P2RX5: variants seen among roughly 807,000 people sequenced by gnomAD.
The protein encoded by P2RX5 is P2X purinoceptor 5.
A neutral mutation model predicts 54.1 loss-of-function variants in P2RX5; 46 were observed. That is an observed-to-expected ratio of 0.85 (90% CI 0.67 to 1.09). The LOEUF is 1.09. P2RX5 is among the 50% of genes least tolerant of loss of function. The pLI, the probability that P2RX5 is intolerant of heterozygous loss-of-function variation, is 0.00. For synonymous variants in P2RX5, 226 were observed against 226.4 expected (o/e 1.00, Z 0.02); for missense variants, 566 against 549.8 (o/e 1.03, Z -0.29).
At chr17:3,696,268 T>TTCC (rs113006222), upstream of P2RX5, 3,276 of 257,742 alleles carry the variant, frequency 0.013, 41 homozygotes, top group African/African-American at 0.043. Flanking sequence ...CTACCTCTTC[T>TTCC]TCCTCCTCCT....
the P2RX5 span, among the ~76,000 whole-genome samples, chr17:3,701,696 G>GAAAAAAAAAAAAAAAAAAAAAA: frequency 1.4e-5 from 1 of 73,412 alleles, no homozygotes; most frequent in South Asian, 5.1e-4. Context: ...CTCTGTCTCA[G>GAAAAAAAAAAAAAAAAAAAAAA]AAAAAAAAAA....
chr17:3,676,680 G>T, intron 11 of P2RX5: 4 of 658,510 alleles, frequency 6.1e-6, no homozygotes, highest in South Asian at 6.8e-5. Context: ...TTGGAATCTT[G>T]TTGAAACACA....
intron 1 of P2RX5, among the ~76,000 whole-genome samples, chr17:3,694,974 C>T (rs2050716052): frequency 6.6e-6 from 1 of 152,170 alleles, no homozygotes; most frequent in African/African-American, 2.4e-5. Flanking sequence ...CCTACGAGGC[C>T]GCTCAGGTGG....
the P2RX5 span, among the ~76,000 whole-genome samples, chr17:3,715,505 A>T: frequency 6.6e-6 from 1 of 152,160 alleles, no homozygotes; most frequent in Non-Finnish European, 1.5e-5. Flanking sequence ...CTGACAAGAA[A>T]AGCAGCCTAC....
the P2RX5 span, among the ~76,000 whole-genome samples, chr17:3,722,836 A>T: frequency 6.6e-6 from 1 of 152,214 alleles, no homozygotes; most frequent in Non-Finnish European, 1.5e-5. Flanking sequence ...GGCACAATCT[A>T]ATGTCTGCTC....
chr17:3,695,002 G>A (rs2050716662), intron 1 of P2RX5, among the ~76,000 whole-genome samples: 1 of 152,204 alleles, frequency 6.6e-6, no homozygotes, highest in African/African-American at 2.4e-5. Flanking sequence ...CCAGGGGCCT[G>A]GGGATGCAGC....
chr17:3,711,510 G>C, the P2RX5 span, among the ~76,000 whole-genome samples: 1 of 148,086 alleles, frequency 6.8e-6, no homozygotes, highest in Non-Finnish European at 1.5e-5. Flanking sequence ...AGCCTCCAGA[G>C]TAGCTGGGAT....
At chr17:3,718,501 C>G in the P2RX5 span, 1 of 152,264 alleles carries the variant, frequency 6.6e-6, no homozygotes, top group Non-Finnish European at 1.5e-5. Context: ...AGCATATGCC[C>G]TTATGCTGCA....
chr17:3,719,234 T>TAAAAAAAAAAAAAAAAAAAAAAAAAA, the P2RX5 span, among the ~76,000 whole-genome samples: 1 of 34,836 alleles, frequency 2.9e-5, no homozygotes, highest in African/African-American at 1.2e-4. Context: ...AGATTCTTCC[T>TAAAAAAAAAAAAAAAAAAAAAAAAAA]CAAAAAAAAA....
the P2RX5 span, chr17:3,716,712 G>A: frequency 3.3e-5 from 53 of 1,603,862 alleles, no homozygotes; most frequent in African/African-American, 1.2e-4. Flanking sequence ...CCAGAATCAC[G>A]ATCAACACCA....
the P2RX5 span, among the ~76,000 whole-genome samples, chr17:3,704,090 A>G: frequency 1.1e-4 from 15 of 140,954 alleles, 3 homozygotes; most frequent in East Asian, 4.3e-4. Flanking sequence ...CAACAAGAGC[A>G]AAACTCTGCC....
upstream of P2RX5, among the ~76,000 whole-genome samples, chr17:3,699,849 A>G (rs543264848): frequency 2.8e-4 from 32 of 113,508 alleles, no homozygotes; most frequent in African/African-American, 8.5e-4. Flanking sequence ...AGAAAGAAAA[A>G]GAAAAAAGAA....
At chr17:3,716,404 C>T in the P2RX5 span, among the ~76,000 whole-genome samples, 9 of 152,300 alleles carry the variant, frequency 5.9e-5, no homozygotes, top group Non-Finnish European at 1.0e-4. Context: ...CTATTGAACT[C>T]ACAGGTAACC....
At chr17:3,702,658 C>T in the P2RX5 span, among the ~76,000 whole-genome samples, 1 of 152,142 alleles carries the variant, frequency 6.6e-6, no homozygotes, top group African/African-American at 2.4e-5. Flanking sequence ...CTGGACACAT[C>T]TGAACATCAG....
the P2RX5 span, chr17:3,715,059 C>G: frequency 1.6e-6 from 1 of 632,706 alleles, no homozygotes; most frequent in Non-Finnish European, 2.8e-6. Flanking sequence ...CTCATACTTA[C>G]TACTCCCTTC....
chr17:3,683,584 A>C (rs997295898), intron 9 of P2RX5, among the ~76,000 whole-genome samples: 1 of 151,818 alleles, frequency 6.6e-6, no homozygotes, highest in African/African-American at 2.4e-5. Context: ...ACGAAAATTA[A>C]CCGGGCGCGG....
Position 3,690,670 on chromosome 17 carries a change from A to G in P2RX5, c.371T>C (p.Ile124Thr). The change falls in exon 4 of 12, where the codon ATT becomes ACT. Residue 124 changes from isoleucine to threonine, a missense_variant. By Grantham distance (89) the Ile-to-Thr change is moderately conservative. Coordinates refer to ENST00000225328, the MANE Select transcript of P2RX5 (RefSeq NM_002561.4). ...GTCCTTGGAGCACGCGCCATCAGGA[A>G]TGCCTTCATTCTGCCAGGAGAGAAG... ...RQNVCAENEGIPDGACSKDSD... is the reference protein window; with the variant it reads ...RQNVCAENEGTPDGACSKDSD... 1 of 1,613,222 alleles carries G rather than the reference A, an allele frequency of 6.2e-7. No homozygotes were observed. Among genetic ancestry groups the G allele is most frequent in the South Asian group, 1.1e-5 (1 of 91,088 alleles).
the P2RX5 span, chr17:3,716,782 A>G: frequency 2.5e-6 from 4 of 1,596,634 alleles, no homozygotes; most frequent in Non-Finnish European, 2.6e-6. Context: ...CTCATCTTTC[A>G]GGAAGACGAC....
chr17:3,677,126 G>A (rs1209727581), intron 11 of P2RX5: 9 of 985,256 alleles, frequency 9.1e-6, no homozygotes, highest in South Asian at 4.7e-5. Context: ...CTGAGGGTGC[G>A]GTAGGTGGGT....
Sources: allele counts gnomAD v4.1 joint callset (sites outside exome capture counted in the v4.1 genomes callset), GRCh38; gene constraint gnomAD v4.1.1; transcripts MANE v1.5; gene names NCBI Gene and HGNC (gene_info 2026-07-23, HGNC 2026-07-21).